RIMBP2: variants seen among roughly 807,000 people sequenced by gnomAD.
The protein encoded by RIMBP2 is RIMS-binding protein 2.
A neutral mutation model predicts 118.6 loss-of-function variants in RIMBP2; 48 were observed. The observed-to-expected ratio is 0.40, with a 90% CI of 0.32 to 0.51. RIMBP2 has a LOEUF of 0.51. RIMBP2 is among the 20% of genes least tolerant of loss of function. The pLI, the probability that RIMBP2 is intolerant of heterozygous loss-of-function variation, is 0.41. For missense variants in RIMBP2, 1,551 were observed against 1,768.3 expected (o/e 0.88, Z 2.20); for synonymous variants, 762 against 742.9 (o/e 1.03, Z -0.42).
intron 1 of RIMBP2, among the ~76,000 whole-genome samples, chr12:130,640,343 C>A (rs1378390841): frequency 6.6e-6 from 1 of 152,178 alleles, no homozygotes; most frequent in Non-Finnish European, 1.5e-5. Context: ...CACTAAAGGC[C>A]CTGGAACAAT....
At chr12:130,529,484 T>C (rs1049490481) in intron 2 of RIMBP2, among the ~76,000 whole-genome samples, 1 of 152,238 alleles carries the variant, frequency 6.6e-6, no homozygotes. Context: ...GAGGAGGGGC[T>C]ACCTGGCTGG....
At chr12:130,539,319 C>T (rs1489686179) in intron 2 of RIMBP2, among the ~76,000 whole-genome samples, 1 of 152,086 alleles carries the variant, frequency 6.6e-6, no homozygotes, top group African/African-American at 2.4e-5. Context: ...AGAACAGTGT[C>T]AGTGAATGGG....
chr12:130,522,064 G>A (rs1195324769), intron 2 of RIMBP2, among the ~76,000 whole-genome samples: 1 of 152,192 alleles, frequency 6.6e-6, no homozygotes, highest in Non-Finnish European at 1.5e-5. Flanking sequence ...AGCATTCTGG[G>A]ATTGGATGTG....
chr12:130,599,668 A>G (rs780356655), intron 2 of RIMBP2, among the ~76,000 whole-genome samples: 1 of 152,264 alleles, frequency 6.6e-6, no homozygotes, highest in Non-Finnish European at 1.5e-5. Flanking sequence ...ATCGGAGTAT[A>G]TAATGGCCCT....
chr12:130,470,642 T>C lies in RIMBP2; in HGVS notation c.153+51A>G, dbSNP rs1020483258. On this transcript the variant is annotated intron_variant, in intron 6 of 22. Coordinates refer to ENST00000690449, the MANE Select transcript of RIMBP2 (RefSeq NM_001393629.1). The stretch of plus-strand genomic sequence containing the variant: ...TATTTCTAGCAGGCATCAGGGCAAC[T>C]CTCCCCAACGTCCCCCACCCCCGGG... 7.1e-6 allele frequency: 8 copies of C among 1,119,894 alleles called. No homozygotes were observed. In the African/African-American group the frequency reaches 8.0e-5, roughly 11 times the overall value. 69.4% of individuals were successfully genotyped at this position (1,119,894 alleles called of 1,614,324 possible).
chr12:130,711,703 T>C (rs1232868594), intron 1 of RIMBP2, among the ~76,000 whole-genome samples: 1 of 152,246 alleles, frequency 6.6e-6, no homozygotes, highest in Non-Finnish European at 1.5e-5. Context: ...ACCCACCTCA[T>C]AAATGAATAC....
chr12:130,544,085 C>T (rs2054866965), intron 2 of RIMBP2, among the ~76,000 whole-genome samples: 1 of 152,226 alleles, frequency 6.6e-6, no homozygotes. Flanking sequence ...CCATTCTTGT[C>T]TCAAACATCT....
chr12:130,502,929 G>A (rs1273819165), intron 4 of RIMBP2, among the ~76,000 whole-genome samples: 1 of 152,174 alleles, frequency 6.6e-6, no homozygotes, highest in Non-Finnish European at 1.5e-5. Flanking sequence ...TAGGGATGGA[G>A]GGGACAGGGA....
chr12:130,656,138 GC>G (rs1566431522), intron 1 of RIMBP2, among the ~76,000 whole-genome samples: 2 of 152,180 alleles, frequency 1.3e-5, no homozygotes, highest in Non-Finnish European at 2.9e-5. Context: ...TTCTGTGTGG[GC>G]CCCGGGAGGG....
At chr12:130,633,148 C>G (rs1384348399) in intron 1 of RIMBP2, among the ~76,000 whole-genome samples, 2 of 152,216 alleles carry the variant, frequency 1.3e-5, no homozygotes, top group Non-Finnish European at 2.9e-5. Flanking sequence ...CTGTATATTT[C>G]AACTAACAGC....
At chr12:130,455,390 C>T (rs889937116) in intron 7 of RIMBP2, among the ~76,000 whole-genome samples, 6 of 151,916 alleles carry the variant, frequency 3.9e-5, no homozygotes, top group South Asian at 2.1e-4. Flanking sequence ...GCGGGAGCTC[C>T]GCACGGTGCC....
At chr12:130,533,522 CAATT>C (rs2053696057) in intron 2 of RIMBP2, among the ~76,000 whole-genome samples, 1 of 152,126 alleles carries the variant, frequency 6.6e-6, no homozygotes, top group Admixed American at 6.5e-5. Context: ...AAAAATAGAA[CAATT>C]AATACCATTC....
chr12:130,548,596 CAG>C (rs2055401493), intron 2 of RIMBP2, among the ~76,000 whole-genome samples: 1 of 151,902 alleles, frequency 6.6e-6, no homozygotes, highest in Admixed American at 6.6e-5. Flanking sequence ...GTTTTTGAGA[CAG>C]AGTCTCACTC....
At chr12:130,536,277 T>C (rs1210870311) in intron 2 of RIMBP2, among the ~76,000 whole-genome samples, 2 of 152,062 alleles carry the variant, frequency 1.3e-5, no homozygotes, top group Non-Finnish European at 2.9e-5. Context: ...ACAGACATCA[T>C]CCCCTGGTTA....
rs1162885065 is a variant in RIMBP2 at position 130,664,424 on chromosome 12, CACACAT to C, written c.-351-35974_-351-35969del. On this transcript the variant is annotated intron_variant, in intron 1 of 22. Transcript: ENST00000690449. The stretch of plus-strand genomic sequence containing the variant: ...GCACGCACGCACGCACACACACGCA[CACACAT>C]GCATGCACGCACACACGCACACACA... 5.2e-3 allele frequency among the ~76,000 whole-genome samples: 496 copies of C among 95,670 alleles called. 10 individuals are homozygous for C. Among genetic ancestry groups the C allele is most frequent in the East Asian group, 8.0e-3 (28 of 3,506 alleles). The allele number at this position is 95,670 out of a possible 152,430, so 62.8% of individuals were successfully genotyped here.
At chr12:130,512,476 C>T (rs1326432963) in intron 3 of RIMBP2, among the ~76,000 whole-genome samples, 1 of 152,206 alleles carries the variant, frequency 6.6e-6, no homozygotes, top group Admixed American at 6.5e-5. Context: ...GTGCACTCCA[C>T]CATGCCCAGC....
chr12:130,452,671 AG>A (rs2079098258), intron 7 of RIMBP2, among the ~76,000 whole-genome samples: 1 of 152,166 alleles, frequency 6.6e-6, no homozygotes, highest in African/African-American at 2.4e-5. Flanking sequence ...TGTGGGCAAA[AG>A]CCACTTTTCC....
chr12:130,587,446 T>C (rs1384665443), intron 2 of RIMBP2, among the ~76,000 whole-genome samples: 2 of 78,518 alleles, frequency 2.5e-5, no homozygotes, highest in South Asian at 1.2e-3. Context: ...CCAACAATGA[T>C]AGACTGGATT....
chr12:130,539,428 G>A (rs150550049), intron 2 of RIMBP2, among the ~76,000 whole-genome samples: 1,610 of 152,378 alleles, frequency 0.011, 24 homozygotes, highest in African/African-American at 0.035. Flanking sequence ...GTAAGAGTGT[G>A]AGTGCTGTGG....
Sources: allele counts gnomAD v4.1 joint callset (sites outside exome capture counted in the v4.1 genomes callset), GRCh38; gene constraint gnomAD v4.1.1; transcripts MANE v1.5; gene names NCBI Gene and HGNC (gene_info 2026-07-23, HGNC 2026-07-21).